Variants in CNGB3 observed in about 807,000 individuals in gnomAD.
The protein encoded by CNGB3 is cyclic nucleotide gated channel subunit beta 3.
Under a neutral mutation model 92.8 loss-of-function variants are expected in CNGB3, and 86 were observed. The observed-to-expected ratio is 0.93, with a 90% CI of 0.78 to 1.11. The LOEUF is 1.11. Among genes scored for constraint, CNGB3 ranks in the 50% least tolerant of loss-of-function variants. CNGB3 has a pLI of 0.00. For missense variants in CNGB3, 1,026 were observed against 956.8 expected, an observed-to-expected ratio of 1.07 and a Z score of -0.95; for synonymous variants, 333 against 332.7, an observed-to-expected ratio of 1.00 and a Z score of -0.01.
At chr8:86,673,700 T>G (rs1311373924) in intron 3 of CNGB3, among the ~76,000 whole-genome samples, 1 of 152,210 alleles carries the variant, frequency 6.6e-6, no homozygotes, top group East Asian at 1.9e-4. Flanking sequence ...ATGACTAAGT[T>G]TCTATTACAA....
At chr8:86,735,860 C>T (rs185697281) in intron 2 of CNGB3, among the ~76,000 whole-genome samples, 44 of 152,258 alleles carry the variant, frequency 2.9e-4, no homozygotes, top group Admixed American at 2.7e-3. Flanking sequence ...TGGCTTACCA[C>T]ACCATACTAG....
intron 15 of CNGB3, among the ~76,000 whole-genome samples, chr8:86,593,574 G>A (rs1822101373): frequency 6.6e-6 from 1 of 152,092 alleles, no homozygotes; most frequent in Admixed American, 6.5e-5. Context: ...TCTCCTTCGA[G>A]GTCTTTATTG....
chr8:86,651,242 A>G (rs115626015), intron 7 of CNGB3, among the ~76,000 whole-genome samples: 2 of 151,790 alleles, frequency 1.3e-5, no homozygotes, highest in East Asian at 3.9e-4. Flanking sequence ...CTGAAATCTC[A>G]TAATTTACCA....
At chr8:86,638,954 C>T (rs1230356025) in intron 10 of CNGB3, among the ~76,000 whole-genome samples, 1 of 151,730 alleles carries the variant, frequency 6.6e-6, no homozygotes, top group African/African-American at 2.4e-5. Flanking sequence ...CTTTCCTTCT[C>T]TCTCTCTGCC....
chr8:86,735,303 T>G (rs1825231743), intron 2 of CNGB3, among the ~76,000 whole-genome samples: 1 of 151,522 alleles, frequency 6.6e-6, no homozygotes, highest in South Asian at 2.1e-4. Flanking sequence ...CCACCATGCC[T>G]GGCTAATTTT....
Position 86,611,674 on chromosome 8 carries a change from A to G in CNGB3, c.1579-3T>C. On this transcript the variant is annotated splice_region_variant and splice_polypyrimidine_tract_variant and intron_variant, in intron 13 of 17. Coordinates refer to ENST00000320005, the MANE Select transcript of CNGB3 (RefSeq NM_019098.5). The stretch of plus-strand genomic sequence containing the variant: ...TAAATCATCTGTGTATCACAACCCT[A>G]TATAAAAAGAAAAATAATTCTTATA... 1 of 1,599,580 alleles carries G rather than the reference A, an allele frequency of 6.3e-7. No homozygotes were observed. Among genetic ancestry groups the G allele is most frequent in the African/African-American group, 1.3e-5 (1 of 74,718 alleles).
intron 15 of CNGB3, among the ~76,000 whole-genome samples, chr8:86,601,303 G>C (rs182250968): frequency 6.6e-6 from 1 of 152,298 alleles, no homozygotes; most frequent in South Asian, 2.1e-4. Context: ...CTAAATGTAC[G>C]TGTAAGGAAA....
At chr8:86,627,498 G>T (rs1235534382) in intron 12 of CNGB3, among the ~76,000 whole-genome samples, 1 of 152,162 alleles carries the variant, frequency 6.6e-6, no homozygotes, top group Non-Finnish European at 1.5e-5. Context: ...AGTGGTTTCT[G>T]TCTGCTCTTA....
At chr8:86,696,916 T>A (rs1213204104) in intron 3 of CNGB3, among the ~76,000 whole-genome samples, 2 of 152,170 alleles carry the variant, frequency 1.3e-5, no homozygotes, top group Non-Finnish European at 2.9e-5. Context: ...TATAAAATAA[T>A]GAGTTATAGT....
rs147162789 is a variant in CNGB3 at position 86,721,265 on chromosome 8, G to A, written c.338+5266C>T. ...ACTGGGATTACAGGCATGAGCCACC[G>A]CACCTGGCCAGAATTGGAGACTCTT... On this transcript the variant is annotated intron_variant, in intron 3 of 17. Coordinates refer to ENST00000320005, the MANE Select transcript of CNGB3 (RefSeq NM_019098.5). Among the ~76,000 whole-genome samples, 203 of 152,180 alleles carry A rather than the reference G, an allele frequency of 1.3e-3. 2 individuals are homozygous for A. Among genetic ancestry groups the A allele is most frequent in the African/African-American group, 4.4e-3 (181 of 41,544 alleles).
intron 3 of CNGB3, among the ~76,000 whole-genome samples, chr8:86,725,658 T>A (rs1271164976): frequency 6.6e-6 from 1 of 152,164 alleles, no homozygotes; most frequent in African/African-American, 2.4e-5. Context: ...ATTCAGCAAT[T>A]CCCTGGGTCC....
chr8:86,629,407 T>C (rs1272802412), intron 11 of CNGB3, among the ~76,000 whole-genome samples: 1 of 152,216 alleles, frequency 6.6e-6, no homozygotes, highest in Non-Finnish European at 1.5e-5. Context: ...GGACTACACA[T>C]AGTCTTCTTT....
intron 13 of CNGB3, among the ~76,000 whole-genome samples, chr8:86,619,408 G>T (rs1822682275): frequency 6.6e-6 from 1 of 152,148 alleles, no homozygotes; most frequent in East Asian, 1.9e-4. Context: ...CGTGAAATCT[G>T]CAAGGAAGAG....
At chr8:86,643,202 G>C (rs1409760247) in intron 10 of CNGB3, among the ~76,000 whole-genome samples, 2 of 151,234 alleles carry the variant, frequency 1.3e-5, no homozygotes, top group East Asian at 3.9e-4. Flanking sequence ...ACTTACTAAA[G>C]AGGTTTTTCA....
chr8:86,715,558 C>T (rs1222872491), intron 3 of CNGB3, among the ~76,000 whole-genome samples: 1 of 151,968 alleles, frequency 6.6e-6, no homozygotes, highest in Non-Finnish European at 1.5e-5. Flanking sequence ...GCCCTTGGAT[C>T]CCAGATCTTC....
intron 15 of CNGB3, among the ~76,000 whole-genome samples, chr8:86,584,063 G>A (rs1262880962): frequency 1.3e-5 from 2 of 151,782 alleles, no homozygotes; most frequent in African/African-American, 4.8e-5. Context: ...CTTTTCCTAA[G>A]GTACTCTTAA....
Position 86,641,638 on chromosome 8 carries a change from T to G in CNGB3, c.1178+2113A>C, listed in dbSNP as rs1823190032. ...CTTTTTAAATTTCCTTATTCATTTTTTTTTCCCCTTATACTAATTTAGAAG... is the reference window on the plus strand; with the variant it reads ...CTTTTTAAATTTCCTTATTCATTTTGTTTTCCCCTTATACTAATTTAGAAG... On this transcript the variant is annotated intron_variant, in intron 10 of 17. Coordinates refer to ENST00000320005, the MANE Select transcript of CNGB3 (RefSeq NM_019098.5). Among the ~76,000 whole-genome samples the G allele has an allele frequency of 2.0e-5, 3 of 152,010 alleles. No individual in the cohort carries two copies. The South Asian group carries it at 6.2e-4, about 32-fold the overall frequency.
At chr8:86,596,516 T>C (rs1822174661) in intron 15 of CNGB3, among the ~76,000 whole-genome samples, 1 of 152,216 alleles carries the variant, frequency 6.6e-6, no homozygotes, top group Non-Finnish European at 1.5e-5. Context: ...CAAAAATGAA[T>C]GTGCATTTGT....
intron 3 of CNGB3, among the ~76,000 whole-genome samples, chr8:86,679,642 CAGCTTCCCAAGT>C (rs1267132492): frequency 6.6e-6 from 1 of 152,114 alleles, no homozygotes; most frequent in Non-Finnish European, 1.5e-5. Context: ...TCTCCTGTCT[CAGCTTCCCAAGT>C]AGCTGGGATT....
Sources: gnomAD v4.1 joint callset for allele counts (sites outside exome capture counted in the v4.1 genomes callset) on GRCh38, gnomAD v4.1.1 for gene constraint, MANE v1.5 for transcripts, NCBI Gene and HGNC (gene_info 2026-07-23, HGNC 2026-07-21) for gene names.